Variants in HELZ2 observed in about 807,000 individuals in gnomAD.
HELZ2 encodes the protein 3'-5' exoribonuclease HELZ2.
In HELZ2, 143 loss-of-function variants were observed where a neutral mutation model predicts 208.8. The observed-to-expected ratio is 0.68, with a 90% CI of 0.60 to 0.79. The LOEUF is 0.79. Ranked by LOEUF, HELZ2 falls within the 30% of genes least tolerant of loss-of-function variation. HELZ2 has a pLI of 0.00. For missense variants in HELZ2, 3,690 were observed against 3,794.5 expected (o/e 0.97, Z 0.72); for synonymous variants, 1,705 against 1,693.7 (o/e 1.01, Z -0.16).
At chr20:63,560,805 T>C in exon 15 of HELZ2, 1 of 1,612,208 alleles carries the variant, frequency 6.2e-7, no homozygotes, top group Non-Finnish European at 8.5e-7. Context: ...CATGCGGTAC[T>C]GAGTGTCCAG....
At chr20:63,562,312 G>A in exon 9 of HELZ2, 1 of 1,600,102 alleles carries the variant, frequency 6.2e-7, no homozygotes, top group Non-Finnish European at 8.5e-7. Context: ...TGCGGGACAG[G>A]CCGGCCCAGT....
Position 63,565,972 on chromosome 20 carries a change from C to CT in HELZ2, c.2849dup (p.Val951GlyfsTer53). 1.3e-6 allele frequency: 2 copies of CT among 1,599,308 alleles called. No homozygotes were observed. Among genetic ancestry groups the CT allele is most frequent in the South Asian group, 2.2e-5 (2 of 90,912 alleles). ...GTCTCTGCGCCACACCCTGCTCGAC[C>CT]TGCTCCATGGACAGGCCCTCGGGGC... On this transcript the variant is annotated frameshift_variant, in exon 8 of 19. Transcript: ENST00000467148. LOFTEE classifies it high-confidence loss of function.
rs1484975022 is a variant in HELZ2, at chr20:63,567,280, G to A, written c.2078C>T (p.Ala693Val). The change falls in exon 6 of 19, where the codon GCG becomes GTG. Residue 693 changes from alanine to valine, a missense_variant. This residue lies in a region of HELZ2 where 1,119 missense variants were observed against 1,193.4 expected (regional missense o/e 0.94). Transcript: ENST00000467148. ...GGGTGTGACCTGCATGTGGTCGCCC[G>A]CCAGCACGAGGCGGGTGCCGTGCGA... The A allele has an allele frequency of 1.1e-5, 17 of 1,609,418 alleles. No individual in the cohort carries two copies. The East Asian group carries it at 1.6e-4, about 15-fold the overall frequency.
chr20:63,568,856 A>C, exon 5 of HELZ2: 1 of 1,612,230 alleles, frequency 6.2e-7, no homozygotes, highest in Non-Finnish European at 8.5e-7. Flanking sequence ...CGCCCGGCCC[A>C]GCAGGAAGCC....
chr20:63,561,903 G>A (rs61742181), exon 11 of HELZ2: 37 of 1,583,014 alleles, frequency 2.3e-5, no homozygotes, highest in African/African-American at 1.3e-5. Flanking sequence ...CCCACGGGGG[G>A]GGCCTCCGGG....
chr20:63,562,663 C>G, exon 8 of HELZ2: 1 of 1,597,782 alleles, frequency 6.3e-7, no homozygotes, highest in Non-Finnish European at 8.5e-7. Context: ...CCCGGCGCTC[C>G]TGGTCCCAGT....
chr20:63,565,993 G>T, exon 8 of HELZ2: 1 of 1,598,394 alleles, frequency 6.3e-7, no homozygotes. Flanking sequence ...ACAGGCCCTC[G>T]GGGCAGACAC....
intron 5 of HELZ2, chr20:63,568,109 C>G (rs1171313092): frequency 3.5e-6 from 2 of 575,060 alleles, no homozygotes; most frequent in Non-Finnish European, 6.1e-6. Flanking sequence ...GTGGGCCATG[C>G]TGCAGCCTTC....
At chr20:63,559,406 G>A (rs868298729) in intron 18 of HELZ2, 36 bp from the exon 20 acceptor site, 25 of 1,522,882 alleles carry the variant, frequency 1.6e-5, no homozygotes, top group Non-Finnish European at 2.1e-5. Context: ...GTCAGTCAGG[G>A]TCAGGTGGGA....
rs775890156 is a variant in HELZ2 at position 63,565,185 on chromosome 20, G to A, written c.3637C>T (p.Pro1213Ser). The A allele has an allele frequency of 1.0e-5, 16 of 1,605,348 alleles. No individual in the cohort carries two copies. In the South Asian group the frequency reaches 1.8e-4, roughly 18 times the overall value. Residue 1213 changes from proline to serine, a missense_variant, in exon 8 of 19, where the codon CCG becomes TCG. Pro to Ser is a moderately conservative substitution (Grantham distance 74). Coordinates refer to ENST00000467148, the Ensembl canonical transcript of HELZ2. ...CCATTGATGGGGACCATGATGCGCG[G>A]GTCCCACGTGTCCATGCGGCACACA...
exon 1 of HELZ2, chr20:63,572,218 C>T (rs898582842): frequency 8.1e-6 from 13 of 1,602,782 alleles, no homozygotes; most frequent in Non-Finnish European, 1.1e-5. Flanking sequence ...CGCAGTGGTT[C>T]TCGAAGGCCT....
chr20:63,567,718 C>CT, intron 5 of HELZ2, 91 bp from the exon 7 acceptor site: 5 of 1,493,118 alleles, frequency 3.3e-6, no homozygotes. Context: ...CGAGCTGCCC[C>CT]TGAGCACAGC....
chr20:63,562,193 G>T, exon 10 of HELZ2: 1 of 1,612,160 alleles, frequency 6.2e-7, no homozygotes, highest in Non-Finnish European at 8.5e-7. Flanking sequence ...CCAGGAACCT[G>T]CTGGGGATCA....
exon 13 of HELZ2, chr20:63,561,411 T>C: frequency 6.2e-7 from 1 of 1,612,834 alleles, no homozygotes; most frequent in Non-Finnish European, 8.5e-7. Context: ...AAGGCCTTGA[T>C]TTCCGACGAG....
exon 8 of HELZ2, chr20:63,562,865 G>A (rs1287110217): frequency 1.2e-6 from 2 of 1,606,672 alleles, no homozygotes; most frequent in East Asian, 2.2e-5. Flanking sequence ...CAGGCGGAAG[G>A]CGCCCTGCAG....
At position 63,564,822 on chromosome 20, in the gene HELZ2, G is replaced by A. The variant is rs757459088; in HGVS notation, c.4000C>T (p.Arg1334Ter). 12 of 1,610,246 alleles carry A rather than the reference G, an allele frequency of 7.5e-6. No homozygotes were observed. The highest frequency in any genetic ancestry group is 1.7e-4 in the Middle Eastern group (1 of 6,058). Residue 1334 changes from arginine to a stop codon, truncating the protein, a stop_gained, in exon 8 of 19, where the codon CGA becomes TGA. Coordinates refer to ENST00000467148, the Ensembl canonical transcript of HELZ2. LOFTEE classifies it high-confidence loss of function. Reference sequence around the variant, plus strand: ...GTCAAGAAGGCGCGGCAGTCCTCTCGGCGGCCGGCAACCCGGCCAAGCTCC... The same window carrying A: ...GTCAAGAAGGCGCGGCAGTCCTCTCAGCGGCCGGCAACCCGGCCAAGCTCC...
At chr20:63,566,987 G>C (rs759565725) in exon 6 of HELZ2, 1 of 1,611,648 alleles carries the variant, frequency 6.2e-7, no homozygotes, top group Non-Finnish European at 8.5e-7. Context: ...GACATGTCCC[G>C]GTCTGGGCTG....
chr20:63,570,763 C>T (rs1208892552), exon 2 of HELZ2: 35 of 1,610,042 alleles, frequency 2.2e-5, no homozygotes, highest in Non-Finnish European at 2.2e-5. Context: ...CCTGCCAGGC[C>T]GCCTGCCCCC....
At chr20:63,566,286 C>T in intron 7 of HELZ2, 55 bp from the exon 9 acceptor site, 2 of 1,500,972 alleles carry the variant, frequency 1.3e-6, no homozygotes, top group Non-Finnish European at 1.8e-6. Context: ...TGGGACCAGC[C>T]CCACCCCTGC....
Sources: gnomAD v4.1 joint callset for allele counts on GRCh38, gnomAD v4.1.1 for gene constraint, gnomAD v4.1.1 regional missense constraint, MANE v1.5 for transcripts, NCBI Gene and HGNC (gene_info 2026-07-23, HGNC 2026-07-21) for gene names.